OSTM1: variants seen among roughly 807,000 people sequenced by gnomAD.
OSTM1 encodes the protein osteopetrosis-associated transmembrane protein 1.
In OSTM1, 26 loss-of-function variants were observed where a neutral mutation model predicts 35.4. The ratio of observed to expected loss-of-function variants is 0.73; its 90% CI spans 0.54 to 1.02. The LOEUF is 1.02. OSTM1 is among the 50% of genes least tolerant of loss of function. The pLI, the probability that OSTM1 is intolerant of heterozygous loss-of-function variation, is 0.00. For missense variants in OSTM1, 366 were observed against 409.6 expected, an observed-to-expected ratio of 0.89 and a Z score of 0.92; for synonymous variants, 181 against 165.0, an observed-to-expected ratio of 1.10 and a Z score of -0.75.
At chr6:108,050,729 C>T (rs573080321) in intron 4 of OSTM1, among the ~76,000 whole-genome samples, 1 of 152,124 alleles carries the variant, frequency 6.6e-6, no homozygotes, top group Non-Finnish European at 1.5e-5. Flanking sequence ...ATACCTACAC[C>T]TCTGCAAATG....
rs1366167473 is a variant in OSTM1 at position 108,042,042 on chromosome 6, AT to A, written c.*2742del. 1 of 152,114 alleles carries A rather than the reference AT, an allele frequency of 6.6e-6. No individual in the cohort carries two copies. The highest frequency in any genetic ancestry group is 2.4e-5 in the African/African-American group (1 of 41,424). The allele number at this position is 152,114 out of a possible 1,614,324, so 9.4% of individuals were successfully genotyped here. A position where few individuals can be genotyped will look rare whatever the true frequency, so the allele number is the denominator to read the frequency against. On this transcript the variant is annotated 3_prime_UTR_variant, in exon 6 of 6. Coordinates refer to ENST00000193322, the MANE Select transcript of OSTM1 (RefSeq NM_014028.4). ...CTAATTAGCATTGTTCCAGGAAAAC[AT>A]TTCATTTTATAGGGAGCATATCCCA...
intron 4 of OSTM1, among the ~76,000 whole-genome samples, chr6:108,050,395 G>A (rs529056973): frequency 7.1e-4 from 84 of 118,704 alleles, no homozygotes; most frequent in African/African-American, 2.7e-3. Context: ...ACGGAGTCTC[G>A]CTCTGTCGCC....
chr6:108,062,535 CTTT>C (rs780041339), intron 2 of OSTM1, among the ~76,000 whole-genome samples: 7 of 131,072 alleles, frequency 5.3e-5, no homozygotes, highest in Non-Finnish European at 6.4e-5. Context: ...CTTTTCTTTT[CTTT>C]TTTTTTTTTT....
chr6:108,057,657 C>T (rs1772191141), intron 2 of OSTM1, among the ~76,000 whole-genome samples: 1 of 152,164 alleles, frequency 6.6e-6, no homozygotes, highest in African/African-American at 2.4e-5. Context: ...TTAATAATTA[C>T]ATTAATGCAT....
At chr6:108,065,924 G>A (rs1320936982) in intron 1 of OSTM1, among the ~76,000 whole-genome samples, 1 of 152,170 alleles carries the variant, frequency 6.6e-6, no homozygotes, top group African/African-American at 2.4e-5. Flanking sequence ...ATGTAGTTTT[G>A]AGAAATTAGG....
intron 5 of OSTM1, 56 bp from the exon 6 acceptor site, chr6:108,044,896 A>G: frequency 1.1e-6 from 1 of 894,670 alleles, no homozygotes; most frequent in Non-Finnish European, 1.7e-6. Context: ...AAACATGATT[A>G]TTTACTATTT....
At chr6:108,049,501 C>T in intron 4 of OSTM1, 83 bp from the exon 5 acceptor site, 2 of 1,583,314 alleles carry the variant, frequency 1.3e-6, no homozygotes, top group Non-Finnish European at 8.6e-7. Flanking sequence ...AATAACTAAA[C>T]AGGAATCTAG....
At chr6:108,068,395 T>A (rs1023448309) in intron 1 of OSTM1, among the ~76,000 whole-genome samples, 4 of 152,170 alleles carry the variant, frequency 2.6e-5, no homozygotes, top group Non-Finnish European at 5.9e-5. Flanking sequence ...AGAAAGCTCA[T>A]AAACACCTCA....
chr6:108,053,550 G>A (rs112866618), intron 3 of OSTM1, among the ~76,000 whole-genome samples: 5,018 of 152,086 alleles, frequency 0.033, 263 homozygotes, highest in African/African-American at 0.12. Context: ...TCTCTGCAAC[G>A]CCCAGGCTGG....
intron 2 of OSTM1, among the ~76,000 whole-genome samples, chr6:108,060,496 T>C (rs1020925787): frequency 9.9e-5 from 15 of 152,162 alleles, no homozygotes; most frequent in Admixed American, 3.9e-4. Flanking sequence ...GGAAGGAGGA[T>C]TGCTTGAGTC....
intron 2 of OSTM1, among the ~76,000 whole-genome samples, chr6:108,058,551 G>A (rs989162360): frequency 3.9e-5 from 6 of 152,232 alleles, no homozygotes; most frequent in Admixed American, 1.3e-4. Context: ...CACTTTGGGA[G>A]GCCGAGGCAG....
intron 5 of OSTM1, among the ~76,000 whole-genome samples, chr6:108,046,752 C>T (rs1329953278): frequency 6.6e-6 from 1 of 152,154 alleles, no homozygotes; most frequent in Non-Finnish European, 1.5e-5. Context: ...AAAACATTGG[C>T]CTAAACTAAA....
chr6:108,052,301 C>T (rs757282647), intron 3 of OSTM1, among the ~76,000 whole-genome samples: 2 of 151,946 alleles, frequency 1.3e-5, no homozygotes, highest in South Asian at 2.1e-4. Flanking sequence ...GGCGTGGTGG[C>T]GGGCACCTGT....
At chr6:108,070,659 C>A (rs1367999364) in intron 1 of OSTM1, among the ~76,000 whole-genome samples, 1 of 143,718 alleles carries the variant, frequency 7.0e-6, no homozygotes, top group Non-Finnish European at 1.5e-5. Context: ...GGAGGCCGAG[C>A]CGGGTGGACC....
At chr6:108,066,653 T>C (rs1772383896) in intron 1 of OSTM1, among the ~76,000 whole-genome samples, 1 of 152,032 alleles carries the variant, frequency 6.6e-6, no homozygotes, top group Non-Finnish European at 1.5e-5. Flanking sequence ...TCAGAGTGGG[T>C]TGAACAGGGA....
Position 108,051,135 on chromosome 6 carries a change from C to T in OSTM1, c.679G>A (p.Ala227Thr). Residue 227 changes from alanine to threonine, a missense_variant, in exon 4 of 6, where the codon GCA becomes ACA. Physicochemically the swap from Ala to Thr is moderately conservative, Grantham distance 58. Transcript: ENST00000193322. ...TACAGACTACTCAGAGTTTTGTATG[C>T]TTCACGGCAGTTTTTGCATACTTCT... Reference protein sequence around the residue: ...YSEVCKNCREAYKTLSSLYSE... With the variant: ...YSEVCKNCRETYKTLSSLYSE... The T allele has an allele frequency of 6.2e-7, 1 of 1,613,508 alleles. No homozygotes were observed. Among genetic ancestry groups the T allele is most frequent in the Admixed American group, 1.7e-5 (1 of 60,020 alleles).
intron 3 of OSTM1, among the ~76,000 whole-genome samples, chr6:108,052,672 T>G (rs1270164334): frequency 2.0e-5 from 3 of 152,064 alleles, no homozygotes; most frequent in Non-Finnish European, 2.9e-5. Context: ...AAATTTAAAA[T>G]GCACATATCT....
At chr6:108,049,617 A>G in intron 4 of OSTM1, 199 bp from the exon 5 acceptor site, 1 of 1,300,024 alleles carries the variant, frequency 7.7e-7, no homozygotes, top group East Asian at 2.8e-5. Context: ...AGAAATTTAT[A>G]TCCATACAGA....
At chr6:108,070,270 C>A (rs921122886) in intron 1 of OSTM1, among the ~76,000 whole-genome samples, 10 of 152,066 alleles carry the variant, frequency 6.6e-5, no homozygotes, top group African/African-American at 2.4e-4. Context: ...AACTCCTGGC[C>A]TCAAGCGATC....
Sources: allele counts gnomAD v4.1 joint callset (sites outside exome capture counted in the v4.1 genomes callset), GRCh38; gene constraint gnomAD v4.1.1; transcripts MANE v1.5; gene names NCBI Gene and HGNC (gene_info 2026-07-23, HGNC 2026-07-21).